Variants in PAPPA observed in about 807,000 individuals in gnomAD.
PAPPA encodes pappalysin-1.
In PAPPA, 60 loss-of-function variants were observed where a neutral mutation model predicts 164.0. The observed-to-expected ratio is 0.37, with a 90% CI of 0.30 to 0.45. PAPPA has a LOEUF of 0.45. Among genes scored for constraint, PAPPA ranks in the 20% least tolerant of loss-of-function variants. The pLI, the probability that PAPPA is intolerant of heterozygous loss-of-function variation, is 1.00. For missense variants in PAPPA, 1,782 were observed against 2,087.3 expected (o/e 0.85, Z 2.85); for synonymous variants, 875 against 814.1 (o/e 1.07, Z -1.27).
At chr9:116,172,444 C>T (rs1843785091) in intron 1 of PAPPA, among the ~76,000 whole-genome samples, 1 of 152,162 alleles carries the variant, frequency 6.6e-6, no homozygotes, top group Admixed American at 6.5e-5. Flanking sequence ...GCATCCCTGG[C>T]CTCTATGTAC....
chr9:116,332,501 C>A, intron 12 of PAPPA, 33 bp downstream of exon 12: 1 of 1,588,566 alleles, frequency 6.3e-7, no homozygotes, highest in South Asian at 1.1e-5. Flanking sequence ...GGCTTGCTTT[C>A]AGTACCTGAT....
intron 1 of PAPPA, among the ~76,000 whole-genome samples, chr9:116,178,526 T>C (rs901501939): frequency 4.6e-5 from 7 of 152,214 alleles, no homozygotes; most frequent in Admixed American, 6.5e-5. Context: ...ATTTATTAAG[T>C]ACTTATTATT....
At chr9:116,246,372 A>G (rs755157348) in intron 7 of PAPPA, among the ~76,000 whole-genome samples, 6 of 152,200 alleles carry the variant, frequency 3.9e-5, no homozygotes, top group Non-Finnish European at 8.8e-5. Flanking sequence ...TGTAATAATT[A>G]TATCCATCAT....
intron 10 of PAPPA, among the ~76,000 whole-genome samples, chr9:116,306,359 T>C (rs2118898482): frequency 6.6e-6 from 1 of 152,298 alleles, no homozygotes; most frequent in Non-Finnish European, 1.5e-5. Context: ...AAAACTTCAG[T>C]TTTGATGTTG....
At chr9:116,395,627 C>T (rs975357101) in intron 21 of PAPPA, among the ~76,000 whole-genome samples, 1 of 152,162 alleles carries the variant, frequency 6.6e-6, no homozygotes, top group African/African-American at 2.4e-5. Context: ...TGGGCTCTTC[C>T]TATCAGTTTG....
At chr9:116,166,453 A>T (rs934541984) in intron 1 of PAPPA, among the ~76,000 whole-genome samples, 3 of 152,054 alleles carry the variant, frequency 2.0e-5, no homozygotes, top group South Asian at 4.1e-4. Flanking sequence ...TGGCAGTCAT[A>T]TCTGTTGCTT....
intron 10 of PAPPA, among the ~76,000 whole-genome samples, chr9:116,315,058 G>A (rs533334888): frequency 6.6e-6 from 1 of 152,330 alleles, no homozygotes; most frequent in South Asian, 2.1e-4. Flanking sequence ...AAATGATGTT[G>A]TTGGGAACAA....
chr9:116,363,377 C>A (rs1007942336), intron 18 of PAPPA, among the ~76,000 whole-genome samples: 2 of 152,118 alleles, frequency 1.3e-5, no homozygotes, highest in Non-Finnish European at 2.9e-5. Flanking sequence ...CAGCTGCATC[C>A]AAGATGAGCA....
At chr9:116,196,523 A>G (rs558339305) in intron 2 of PAPPA, among the ~76,000 whole-genome samples, 1 of 152,248 alleles carries the variant, frequency 6.6e-6, no homozygotes, top group South Asian at 2.1e-4. Context: ...GTTTTATTGA[A>G]ATACATTTTC....
At chr9:116,280,611 A>G (rs1242823070) in intron 9 of PAPPA, among the ~76,000 whole-genome samples, 1 of 152,196 alleles carries the variant, frequency 6.6e-6, no homozygotes, top group Admixed American at 6.5e-5. Flanking sequence ...TGAAGCTGCT[A>G]TTTACGGCAT....
intron 2 of PAPPA, among the ~76,000 whole-genome samples, chr9:116,192,529 G>T (rs1210430244): frequency 2.6e-5 from 4 of 152,040 alleles, no homozygotes; most frequent in Non-Finnish European, 5.9e-5. Flanking sequence ...CTCTCTCTGT[G>T]CCAGCCCGAT....
intron 9 of PAPPA, chr9:116,289,036 T>C (rs1845380541): frequency 6.6e-6 from 1 of 151,084 alleles, no homozygotes; most frequent in South Asian, 2.1e-4. Context: ...TTGTCCAAGC[T>C]TCTTTCTTTG....
chr9:116,371,715 A>C (rs1354757398), intron 19 of PAPPA, among the ~76,000 whole-genome samples: 1 of 151,378 alleles, frequency 6.6e-6, no homozygotes, highest in East Asian at 1.9e-4. Context: ...TTTTTTATTG[A>C]GCTATAACTT....
rs555780654 is a variant in PAPPA, at chr9:116,351,183, G to A, written c.3965-1523G>A. The stretch of plus-strand genomic sequence containing the variant: ...CTAGATTATAAGCATCAAGAGAACA[G>A]AGCTATTTCTATCTTGTTTTGTTTT... On this transcript the variant is annotated intron_variant, in intron 15 of 21. Coordinates refer to ENST00000328252, the MANE Select transcript of PAPPA (RefSeq NM_002581.5). Among the ~76,000 whole-genome samples, 3 of 152,222 alleles carry A rather than the reference G, an allele frequency of 2.0e-5. No individual in the cohort carries two copies. In the South Asian group the frequency reaches 6.2e-4, roughly 32 times the overall value.
chr9:116,247,853 G>A (rs910285015), intron 7 of PAPPA, among the ~76,000 whole-genome samples: 1 of 152,148 alleles, frequency 6.6e-6, no homozygotes, highest in African/African-American at 2.4e-5. Flanking sequence ...TCCCACACCA[G>A]CACCAGCCTT....
At chr9:116,191,051 A>G (rs1844036734) in intron 2 of PAPPA, among the ~76,000 whole-genome samples, 1 of 122,282 alleles carries the variant, frequency 8.2e-6, no homozygotes, top group Non-Finnish European at 1.7e-5. Flanking sequence ...GGAAGGAGGG[A>G]GGGAGGGAGA....
intron 19 of PAPPA, among the ~76,000 whole-genome samples, chr9:116,372,686 C>T (rs1271428754): frequency 6.6e-6 from 1 of 151,824 alleles, no homozygotes; most frequent in African/African-American, 2.4e-5. Flanking sequence ...GGTGCTGAGA[C>T]CTTGGCTTTT....
chr9:116,217,032 G>A (rs1005177962), intron 4 of PAPPA, among the ~76,000 whole-genome samples: 1 of 152,242 alleles, frequency 6.6e-6, no homozygotes, highest in Non-Finnish European at 1.5e-5. Context: ...GAGCCACTGT[G>A]CCCAGCCTCA....
chr9:116,161,793 C>A (rs559094719), intron 1 of PAPPA, among the ~76,000 whole-genome samples: 1 of 151,110 alleles, frequency 6.6e-6, no homozygotes, highest in Non-Finnish European at 1.5e-5. Context: ...AGTGATTAAA[C>A]CTTGGAGCTT....
Sources: gnomAD v4.1 joint callset for allele counts (sites outside exome capture counted in the v4.1 genomes callset) on GRCh38, gnomAD v4.1.1 for gene constraint, MANE v1.5 for transcripts, NCBI Gene and HGNC (gene_info 2026-07-23, HGNC 2026-07-21) for gene names.